Variants in BMPR1B observed in about 807,000 individuals in gnomAD.
The protein encoded by BMPR1B is bone morphogenetic protein receptor type 1B.
A neutral mutation model predicts 59.1 loss-of-function variants in BMPR1B; 12 were observed. That is an observed-to-expected ratio of 0.20 (90% confidence interval 0.13 to 0.33). The LOEUF is 0.33. Ranked by LOEUF, BMPR1B falls within the 10% of genes least tolerant of loss-of-function variation. BMPR1B has a pLI of 1.00. For synonymous variants in BMPR1B, 237 were observed against 207.3 expected (o/e 1.14, Z -1.23); for missense variants, 550 against 610.9 (o/e 0.90, Z 1.05).
chr4:95,065,311 C>CTG (rs930220957), intron 3 of BMPR1B, among the ~76,000 whole-genome samples: 15 of 152,198 alleles, frequency 9.9e-5, no homozygotes, highest in Admixed American at 5.2e-4. Context: ...TAGAGAGTGA[C>CTG]TGCCTGTATA....
chr4:95,003,777 A>C (rs1722619241), intron 3 of BMPR1B, among the ~76,000 whole-genome samples: 1 of 149,844 alleles, frequency 6.7e-6, no homozygotes, highest in African/African-American at 2.5e-5. Context: ...TCATGATTTA[A>C]ACTTGGATAT....
intron 11 of BMPR1B, among the ~76,000 whole-genome samples, chr4:95,151,811 CA>C (rs935122600): frequency 1.7e-4 from 26 of 152,034 alleles, no homozygotes; most frequent in African/African-American, 6.3e-4. Flanking sequence ...GGGGTGCTCC[CA>C]AAAGATTGTT....
At chr4:94,795,653 G>A (rs1207244168) in intron 1 of BMPR1B, among the ~76,000 whole-genome samples, 2 of 151,904 alleles carry the variant, frequency 1.3e-5, no homozygotes, top group African/African-American at 4.8e-5. Flanking sequence ...TAGTAGAGAC[G>A]GGGTTTCACC....
At chr4:95,005,374 A>G (rs536615767) in intron 3 of BMPR1B, among the ~76,000 whole-genome samples, 1 of 152,214 alleles carries the variant, frequency 6.6e-6, no homozygotes, top group Non-Finnish European at 1.5e-5. Context: ...ATACTGGTTT[A>G]GAAATACCAT....
At chr4:94,795,377 A>T (rs1290387866) in intron 1 of BMPR1B, among the ~76,000 whole-genome samples, 2 of 151,676 alleles carry the variant, frequency 1.3e-5, no homozygotes, top group Non-Finnish European at 2.9e-5. Flanking sequence ...AGCCCACTTG[A>T]TCATGGTGGA....
chr4:94,799,462 C>T (rs1278508663), intron 1 of BMPR1B, among the ~76,000 whole-genome samples: 5 of 151,518 alleles, frequency 3.3e-5, no homozygotes, highest in Admixed American at 6.6e-5. Flanking sequence ...CGCCACCATG[C>T]CCAGCTAAGT....
At chr4:94,959,650 C>T (rs2149064623) in intron 2 of BMPR1B, among the ~76,000 whole-genome samples, 1 of 152,116 alleles carries the variant, frequency 6.6e-6, no homozygotes, top group Non-Finnish European at 1.5e-5. Context: ...AATTTCATTA[C>T]AAAATATGTA....
intron 10 of BMPR1B, among the ~76,000 whole-genome samples, chr4:95,148,438 A>T (rs1331227381): frequency 6.6e-6 from 1 of 151,310 alleles, no homozygotes; most frequent in Non-Finnish European, 1.5e-5. Flanking sequence ...TTTTTAAGAG[A>T]TGGCATCTCA....
At chr4:94,831,721 C>T (rs80096712) in intron 1 of BMPR1B, among the ~76,000 whole-genome samples, 17,850 of 152,152 alleles carry the variant, frequency 0.12, 1,106 homozygotes, top group Non-Finnish European at 0.13. Context: ...CTGTAAGGAA[C>T]GGGACCACAC....
rs1226167062 is a variant in BMPR1B at position 95,154,738 on chromosome 4, C to A, written c.*65C>A. 2.5e-6 allele frequency: 4 copies of A among 1,592,266 alleles called. No homozygotes were observed. The highest frequency in any genetic ancestry group is 2.6e-6 in the Non-Finnish European group (3 of 1,161,662). On this transcript the variant is annotated 3_prime_UTR_variant, in exon 13 of 13. Coordinates refer to ENST00000515059, the MANE Select transcript of BMPR1B (RefSeq NM_001203.3). Reference sequence around the variant, plus strand: ...GGTACTCTTCTGTTTGTGGGCAGAGCAAAAGACATCAAATAAGCATCCACA... The same window carrying A: ...GGTACTCTTCTGTTTGTGGGCAGAGAAAAAGACATCAAATAAGCATCCACA...
At chr4:95,020,287 A>C (rs1723880676) in intron 3 of BMPR1B, among the ~76,000 whole-genome samples, 1 of 152,192 alleles carries the variant, frequency 6.6e-6, no homozygotes, top group Non-Finnish European at 1.5e-5. Context: ...CTCCTACAAA[A>C]AAGAATTATC....
chr4:94,872,415 A>G (rs1243957765), intron 1 of BMPR1B, among the ~76,000 whole-genome samples: 1 of 152,238 alleles, frequency 6.6e-6, no homozygotes, highest in Admixed American at 6.5e-5. Context: ...ACGTTTAGTG[A>G]TGATTGCAAG....
intron 6 of BMPR1B, among the ~76,000 whole-genome samples, chr4:95,119,175 T>C (rs1375188040): frequency 1.3e-5 from 2 of 152,174 alleles, no homozygotes; most frequent in Non-Finnish European, 2.9e-5. Context: ...CTAGTTTTGG[T>C]TGAGTATCTA....
intron 1 of BMPR1B, among the ~76,000 whole-genome samples, chr4:94,831,043 T>C (rs1289752820): frequency 6.6e-6 from 1 of 152,110 alleles, no homozygotes; most frequent in Admixed American, 6.6e-5. Flanking sequence ...AGGCAGGTCC[T>C]TTAGGAGGCA....
chr4:94,907,098 A>G (rs985295848), intron 2 of BMPR1B, among the ~76,000 whole-genome samples: 2 of 152,030 alleles, frequency 1.3e-5, no homozygotes, highest in East Asian at 3.9e-4. Flanking sequence ...GGGATGTGCA[A>G]TAGAACAATC....
chr4:94,799,944 C>G (rs1308700584), intron 1 of BMPR1B, among the ~76,000 whole-genome samples: 1 of 152,056 alleles, frequency 6.6e-6, no homozygotes, highest in Non-Finnish European at 1.5e-5. Flanking sequence ...CTTGCCGCAG[C>G]CTCCCAAAGT....
At chr4:94,973,894 C>T (rs1730908631) in intron 2 of BMPR1B, among the ~76,000 whole-genome samples, 3 of 152,006 alleles carry the variant, frequency 2.0e-5, no homozygotes, top group African/African-American at 7.3e-5. Context: ...AATTTATGGT[C>T]CTTGCTTTGG....
At chr4:94,934,453 GTTT>G (rs371268875) in intron 2 of BMPR1B, among the ~76,000 whole-genome samples, 1 of 115,288 alleles carries the variant, frequency 8.7e-6, no homozygotes, top group Non-Finnish European at 1.7e-5. Flanking sequence ...CCCAGCTATG[GTTT>G]TTTTTTTTTT....
At chr4:94,795,340 T>C (rs906539454) in intron 1 of BMPR1B, among the ~76,000 whole-genome samples, 2 of 151,582 alleles carry the variant, frequency 1.3e-5, no homozygotes, top group African/African-American at 4.9e-5. Context: ...TTGCGTATAT[T>C]GAACCAGCCT....
Sources: allele counts gnomAD v4.1 joint callset (sites outside exome capture counted in the v4.1 genomes callset), GRCh38; gene constraint gnomAD v4.1.1; transcripts MANE v1.5; gene names NCBI Gene and HGNC (gene_info 2026-07-23, HGNC 2026-07-21).